BRAF: variants seen among roughly 807,000 people sequenced by gnomAD.
BRAF encodes the protein serine/threonine-protein kinase B-raf.
A neutral mutation model predicts 104.6 loss-of-function variants in BRAF; 16 were observed. The observed-to-expected ratio is 0.15, with a 90% CI of 0.10 to 0.23. The LOEUF is 0.23. BRAF is among the 10% of genes least tolerant of loss of function. BRAF has a pLI of 1.00. For synonymous variants in BRAF, 310 were observed against 341.6 expected (o/e 0.91, Z 1.02); for missense variants, 541 against 937.3 (o/e 0.58, Z 5.52).
the BRAF span, among the ~76,000 whole-genome samples, chr7:140,713,775 T>G: frequency 2.6e-4 from 40 of 152,220 alleles, no homozygotes; most frequent in African/African-American, 9.6e-4. Context: ...GTGACGTACA[T>G]ATGGGTTTTT....
intron 1 of BRAF, among the ~76,000 whole-genome samples, chr7:140,874,566 A>G (rs1485180770): frequency 6.6e-6 from 1 of 150,872 alleles, no homozygotes. Context: ...AAGAAATAAC[A>G]TTCAAAGATA....
Position 140,924,605 on chromosome 7 carries a change from G to C in BRAF, c.99C>G (p.Ala33=). Residue 33 remains alanine, a synonymous_variant, in exon 1 of 20, where the codon GCC becomes GCG. Transcript: ENST00000644969. The surrounding 1 kb of genome is among the most constrained non-coding windows in gnomAD (Gnocchi z 4.2). ...CAGGGTCCGCAGCCGAAGAGGCCGC[G>C]GCGCCGGCGCCGGCGCCGGCCTCGG... The part of the protein sequence containing the change: ...MEPEAGAGAG[A]AASSAADPAI... 1.3e-6 allele frequency: 2 copies of C among 1,527,158 alleles called. No homozygotes were observed. Among genetic ancestry groups the C allele is most frequent in the Non-Finnish European group, 1.7e-6 (2 of 1,143,054 alleles). The allele number at this position is 1,527,158 out of a possible 1,614,324, so 94.6% of individuals were successfully genotyped here.
chr7:140,837,601 C>T (rs182299219), intron 2 of BRAF, among the ~76,000 whole-genome samples: 1 of 152,282 alleles, frequency 6.6e-6, no homozygotes, highest in Admixed American at 6.5e-5. Context: ...CAGGTTACCA[C>T]ACACTGTTGG....
At chr7:140,753,824 A>G (rs967369462) in intron 15 of BRAF, 2 of 337,088 alleles carry the variant, frequency 5.9e-6, no homozygotes, top group Non-Finnish European at 1.1e-5. Context: ...TCATTGTTAT[A>G]TAATTTAGAG....
chr7:140,793,614 T>C (rs918696808), intron 8 of BRAF, among the ~76,000 whole-genome samples: 6 of 152,168 alleles, frequency 3.9e-5, no homozygotes, highest in Admixed American at 6.6e-5. Context: ...GCCAAGCTTA[T>C]GATAGCACAA....
intron 5 of BRAF, among the ~76,000 whole-genome samples, chr7:140,806,771 A>G (rs531892601): frequency 6.6e-6 from 1 of 152,348 alleles, no homozygotes; most frequent in African/African-American, 2.4e-5. Context: ...GATTGACATT[A>G]GGTGTATCTT....
intron 1 of BRAF, among the ~76,000 whole-genome samples, chr7:140,874,093 C>T (rs566410621): frequency 2.0e-5 from 3 of 152,044 alleles, no homozygotes; most frequent in Admixed American, 2.0e-4. Flanking sequence ...TTGGACAGAA[C>T]ACATAGAGCA....
chr7:140,753,207 T>C, intron 16 of BRAF, 68 bp downstream of exon 15: 2 of 1,140,954 alleles, frequency 1.8e-6, no homozygotes, highest in African/African-American at 1.5e-5. Flanking sequence ...CTTCAATGAC[T>C]TTCTAGTAAC....
At chr7:140,842,024 C>T (rs548989681) in intron 2 of BRAF, among the ~76,000 whole-genome samples, 19 of 152,280 alleles carry the variant, frequency 1.2e-4, no homozygotes, top group African/African-American at 4.3e-4. Flanking sequence ...ATCTTACAAA[C>T]TGCCCATAAA....
At chr7:140,868,951 T>C (rs978050797) in intron 1 of BRAF, among the ~76,000 whole-genome samples, 3 of 152,060 alleles carry the variant, frequency 2.0e-5, no homozygotes, top group African/African-American at 4.8e-5. Flanking sequence ...GTACAGTCAA[T>C]AGGATTTGCT....
At chr7:140,911,659 T>G (rs1172466668) in intron 1 of BRAF, among the ~76,000 whole-genome samples, 1 of 152,142 alleles carries the variant, frequency 6.6e-6, no homozygotes, top group Non-Finnish European at 1.5e-5. Context: ...CAAAGACAAG[T>G]CAAATTTGGA....
intron 14 of BRAF, among the ~76,000 whole-genome samples, chr7:140,762,251 A>C (rs997538659): frequency 2.6e-5 from 4 of 152,224 alleles, no homozygotes; most frequent in Admixed American, 2.6e-4. Flanking sequence ...AAAACCACTC[A>C]ACTACATGGA....
rs189717101 is a variant in BRAF, at chr7:140,725,577, A to G, written c.*917T>C. The G allele has an allele frequency of 6.3e-5, 66 of 1,054,966 alleles. No individual in the cohort carries two copies. The African/African-American group carries it at 9.9e-4, about 16-fold the overall frequency. The allele number at this position is 1,054,966 out of a possible 1,614,324, so 65.4% of individuals were successfully genotyped here. A position where few individuals can be genotyped will look rare whatever the true frequency, so the allele number is the denominator to read the frequency against. On this transcript the variant is annotated 3_prime_UTR_variant, in exon 20 of 20. Coordinates refer to ENST00000644969, the MANE Select transcript of BRAF (RefSeq NM_001374258.1). ...TTATTAAGCAGTTTTGTGGGGGTTT[A>G]GTTAGATACTGCCACGGCATTTTGT...
At chr7:140,863,078 A>G (rs2129085023) in intron 1 of BRAF, among the ~76,000 whole-genome samples, 1 of 152,312 alleles carries the variant, frequency 6.6e-6, no homozygotes, top group East Asian at 1.9e-4. Flanking sequence ...CTTTTGACCT[A>G]GCAATTCCAC....
chr7:140,827,258 T>C (rs925288021), intron 3 of BRAF, among the ~76,000 whole-genome samples: 4 of 152,180 alleles, frequency 2.6e-5, no homozygotes, highest in Non-Finnish European at 5.9e-5. Flanking sequence ...GTCTTACAAC[T>C]TGAGATCTTG....
At chr7:140,758,992 C>T (rs1798437033) in intron 14 of BRAF, among the ~76,000 whole-genome samples, 1 of 152,204 alleles carries the variant, frequency 6.6e-6, no homozygotes, top group South Asian at 2.1e-4. Context: ...ATTAATTTTG[C>T]CTTTTCTCAA....
At position 140,719,906 on chromosome 7, in the gene BRAF, ATGTG is replaced by A. The variant is rs1196378221; in HGVS notation, c.*6584_*6587del. The A allele has an allele frequency of 1.9e-6, 2 of 1,061,842 alleles. No individual in the cohort carries two copies. The highest frequency in any genetic ancestry group is 2.3e-6 in the Non-Finnish European group (2 of 877,100). The allele number at this position is 1,061,842 out of a possible 1,614,324, so 65.8% of individuals were successfully genotyped here. ...CCTTTGGCAGTAACAGAAAAGAGGA[ATGTG>A]TGTGTGAGTCGCCATAAGGTTTGGA... On this transcript the variant is annotated 3_prime_UTR_variant, in exon 20 of 20. Transcript: ENST00000644969.
At chr7:140,742,202 T>G (rs1169687774) in intron 17 of BRAF, among the ~76,000 whole-genome samples, 1 of 152,016 alleles carries the variant, frequency 6.6e-6, no homozygotes, top group Non-Finnish European at 1.5e-5. Context: ...TTGTTTTTGT[T>G]TTTTAATTTG....
chr7:140,850,057 T>C (rs1364447615), intron 2 of BRAF, 54 bp downstream of exon 2: 1 of 1,287,182 alleles, frequency 7.8e-7, no homozygotes, highest in Non-Finnish European at 1.1e-6. Flanking sequence ...AATGTTTTTA[T>C]AAGTTCATTT....
Sources: allele counts gnomAD v4.1 joint callset (sites outside exome capture counted in the v4.1 genomes callset), GRCh38; gene constraint gnomAD v4.1.1; non-coding constraint Gnocchi (gnomAD v3.1); transcripts MANE v1.5; gene names NCBI Gene and HGNC (gene_info 2026-07-23, HGNC 2026-07-21).